The following DYM variants were observed in gnomAD, a reference collection of about 807,000 sequenced individuals.
DYM encodes the protein dyggve-Melchior-Clausen syndrome protein.
A neutral mutation model predicts 93.1 loss-of-function variants in DYM; 78 were observed. The ratio of observed to expected loss-of-function variants is 0.84; its 90% CI spans 0.70 to 1.01. The LOEUF (loss-of-function observed/expected upper bound fraction) is 1.01, where lower values mean the gene tolerates loss of function less well. Ranked by LOEUF, DYM falls within the 50% of genes least tolerant of loss-of-function variation. The probability of loss-of-function intolerance (pLI) is 0.00; values close to 1 mark genes in which losing one functional copy is unlikely to be tolerated. For missense variants in DYM, 789 were observed against 845.0 expected (o/e 0.93, Z 0.82); for synonymous variants, 321 against 319.7 (o/e 1.00, Z -0.04).
intron 14 of DYM, among the ~76,000 whole-genome samples, chr18:49,193,361 T>C (rs1261268100): frequency 6.6e-6 from 1 of 152,118 alleles, no homozygotes; most frequent in Non-Finnish European, 1.5e-5. Context: ...TCTATACATC[T>C]AAAGATCATT....
At chr18:49,157,242 C>A (rs1436229661) in intron 15 of DYM, among the ~76,000 whole-genome samples, 2 of 152,086 alleles carry the variant, frequency 1.3e-5, no homozygotes, top group African/African-American at 4.8e-5. Flanking sequence ...TGATCTCTAC[C>A]TCTCCATCTA....
At chr18:49,203,778 G>C (rs902249749) in intron 14 of DYM, among the ~76,000 whole-genome samples, 7 of 131,986 alleles carry the variant, frequency 5.3e-5, no homozygotes, top group African/African-American at 2.0e-4. Flanking sequence ...TTTATCTGCT[G>C]ACCTTCCCTC....
rs181576767 is a variant in DYM at position 49,055,826 on chromosome 18, G to A, written c.2026-11622C>T. On this transcript the variant is annotated intron_variant, in intron 17 of 17. Coordinates refer to ENST00000675505, the MANE Select transcript of DYM (RefSeq NM_001353214.3). ...GTGAGAATGGGAAGGCAAAGACTAC[G>A]ATGAGCTGAAGCCTGGAAAGGCTGG... is the stretch of plus-strand genomic sequence containing the variant. Among the ~76,000 whole-genome samples the A allele has an allele frequency of 9.2e-5, 14 of 152,354 alleles. No individual in the cohort carries two copies. The East Asian group carries it at 1.4e-3, about 15-fold the overall frequency.
intron 16 of DYM, among the ~76,000 whole-genome samples, chr18:49,107,979 G>T (rs895674532): frequency 1.3e-5 from 2 of 152,226 alleles, no homozygotes; most frequent in African/African-American, 4.8e-5. Flanking sequence ...GCTGCCTTTT[G>T]TTTGGCAATG....
intron 2 of DYM, among the ~76,000 whole-genome samples, chr18:49,422,491 A>T (rs1201364325): frequency 1.3e-5 from 2 of 152,242 alleles, no homozygotes; most frequent in African/African-American, 4.8e-5. Flanking sequence ...GCATCAACTA[A>T]AGGGCAAAAT....
Position 49,420,165 on chromosome 18 carries a change from GTT to G in DYM, c.140+10088_140+10089del, listed in dbSNP as rs58141815. Among the ~76,000 whole-genome samples, 300 of 109,006 alleles carry G rather than the reference GTT, an allele frequency of 2.8e-3. 1 individual carries two copies. The highest frequency in any genetic ancestry group is 0.02 in the South Asian group (62 of 3,128). The allele number at this position is 109,006 out of a possible 152,430, so 71.5% of individuals were successfully genotyped here. On this transcript the variant is annotated intron_variant, in intron 2 of 17. Coordinates refer to ENST00000675505, the MANE Select transcript of DYM (RefSeq NM_001353214.3). ...TTAATTATAAACTAAGTTAAAATTC[GTT>G]TTTTTTTTTTTTTTTTTGAGATGGA... is the stretch of plus-strand genomic sequence containing the variant.
At chr18:49,132,114 T>A (rs530926122) in intron 15 of DYM, among the ~76,000 whole-genome samples, 1 of 152,212 alleles carries the variant, frequency 6.6e-6, no homozygotes, top group African/African-American at 2.4e-5. Flanking sequence ...TTTTGTTAGA[T>A]GTGATAATGA....
At chr18:49,286,666 T>C (rs2059687008) in intron 8 of DYM, 50 bp from the exon 9 acceptor site, 1 of 1,526,174 alleles carries the variant, frequency 6.6e-7, no homozygotes, top group East Asian at 2.3e-5. Context: ...ATGAGATGAA[T>C]GTATTTCTGT....
At chr18:49,385,324 C>T (rs2068492272) in intron 3 of DYM, among the ~76,000 whole-genome samples, 1 of 152,198 alleles carries the variant, frequency 6.6e-6, no homozygotes, top group Admixed American at 6.5e-5. Flanking sequence ...TGACCTGGCT[C>T]TCACCACATC....
At chr18:49,410,776 AAAAATTAAAATT>A (rs908864427) in intron 2 of DYM, among the ~76,000 whole-genome samples, 22 of 152,144 alleles carry the variant, frequency 1.4e-4, no homozygotes, top group African/African-American at 4.8e-4. Context: ...CCTGTCTCAA[AAAAATTAAAATT>A]AAAATTAAAA....
At chr18:49,365,977 G>A (rs2066485043) in intron 5 of DYM, among the ~76,000 whole-genome samples, 1 of 152,070 alleles carries the variant, frequency 6.6e-6, no homozygotes, top group African/African-American at 2.4e-5. Flanking sequence ...TGAAGATGAT[G>A]ATAAACATAT....
chr18:49,069,554 G>A (rs1478811406), intron 17 of DYM, among the ~76,000 whole-genome samples: 1 of 152,198 alleles, frequency 6.6e-6, no homozygotes, highest in South Asian at 2.1e-4. Flanking sequence ...AGTAAGGCTT[G>A]TGTGTTGTTT....
intron 14 of DYM, among the ~76,000 whole-genome samples, chr18:49,193,503 T>C (rs1348749889): frequency 6.6e-6 from 1 of 152,176 alleles, no homozygotes; most frequent in Non-Finnish European, 1.5e-5. Flanking sequence ...CATGGAAAAA[T>C]GCCAAAGTCA....
chr18:49,198,453 A>C (rs1227819847), intron 14 of DYM, among the ~76,000 whole-genome samples: 4 of 152,222 alleles, frequency 2.6e-5, no homozygotes, highest in Non-Finnish European at 5.9e-5. Flanking sequence ...CAACCTACAG[A>C]ATGGGAGAAA....
chr18:49,107,358 C>T (rs762901796), intron 16 of DYM, among the ~76,000 whole-genome samples: 3 of 152,156 alleles, frequency 2.0e-5, no homozygotes. Context: ...CAAACTTCCT[C>T]CTTTAGCTAG....
chr18:49,244,831 T>C (rs2094126593), intron 13 of DYM, among the ~76,000 whole-genome samples: 1 of 152,200 alleles, frequency 6.6e-6, no homozygotes, highest in Admixed American at 6.5e-5. Context: ...CATCATTCAT[T>C]CAAATACCTA....
intron 10 of DYM, among the ~76,000 whole-genome samples, chr18:49,273,153 A>T (rs1207702171): frequency 3.3e-5 from 5 of 152,182 alleles, no homozygotes; most frequent in African/African-American, 1.2e-4. Context: ...GTGTTTTGAC[A>T]GGCACACCTA....
At position 49,258,493 on chromosome 18, in the gene DYM, T is replaced by TCA; in HGVS notation, c.1252-1_1252insTG (p.Ile418Ter). The TCA allele has an allele frequency of 1.3e-6, 2 of 1,554,160 alleles. No individual in the cohort carries two copies. Among genetic ancestry groups the TCA allele is most frequent in the Non-Finnish European group, 1.8e-6 (2 of 1,125,720 alleles). ...GAATACCAAGTAATATTTTTTAGTA[T>TCA]CTGTAATGGGGAAGAAAAGTTTAAG... is the stretch of plus-strand genomic sequence containing the variant. On this transcript the variant is annotated frameshift_variant and splice_region_variant. Transcript: ENST00000675505. LOFTEE classifies it high-confidence loss of function.
intron 2 of DYM, among the ~76,000 whole-genome samples, chr18:49,426,349 A>G (rs1600163107): frequency 7.2e-6 from 1 of 139,212 alleles, no homozygotes; most frequent in Non-Finnish European, 1.5e-5. Flanking sequence ...TGAACAATGA[A>G]AACACTTGGA....
Sources: gnomAD v4.1 joint callset for allele counts (sites outside exome capture counted in the v4.1 genomes callset) on GRCh38, gnomAD v4.1.1 for gene constraint, MANE v1.5 for transcripts, NCBI Gene and HGNC (gene_info 2026-07-23, HGNC 2026-07-21) for gene names.